Variants in TNKS observed in about 807,000 individuals in gnomAD.
The protein encoded by TNKS is poly [ADP-ribose] polymerase tankyrase-1.
Under a neutral mutation model 135.8 loss-of-function variants are expected in TNKS, and 72 were observed. The ratio of observed to expected loss-of-function variants is 0.53; its 90% CI spans 0.44 to 0.64. TNKS has a LOEUF of 0.64. Among genes scored for constraint, TNKS ranks in the 30% least tolerant of loss-of-function variants. The probability of loss-of-function intolerance (pLI) is 0.00; values close to 1 mark genes in which losing one functional copy is unlikely to be tolerated. For missense variants in TNKS, 1,769 were observed against 1,674.0 expected (o/e 1.06, Z -0.99); for synonymous variants, 849 against 649.3 (o/e 1.31, Z -4.68).
In TNKS at chr8:9,735,420, T is replaced by C; in HGVS notation, c.2577T>C (p.His859=). 1 of 1,614,136 alleles carries C rather than the reference T, an allele frequency of 6.2e-7. No homozygotes were observed. Residue 859 remains histidine (H), a synonymous_variant, in exon 17 of 27, where the codon CAT becomes CAC. Transcript: ENST00000310430. ...AAGTAGCTGAATATCTTCTAGAGCA[T>C]GGAGCTGATGTTAATGCCCAGGACA... ...NLEVAEYLLE[H]GADVNAQDKG...
chr8:9,599,038 T>C (rs891263009), intron 2 of TNKS, among the ~76,000 whole-genome samples: 1 of 151,836 alleles, frequency 6.6e-6, no homozygotes, highest in Non-Finnish European at 1.5e-5. Flanking sequence ...GTGCAAGCTT[T>C]ATGATCCTAT....
chr8:9,589,956 T>C (rs930554592), intron 2 of TNKS, among the ~76,000 whole-genome samples: 18 of 152,260 alleles, frequency 1.2e-4, no homozygotes, highest in Non-Finnish European at 1.5e-5. Flanking sequence ...TTCATGTGCA[T>C]GCTCCATTCA....
rs747761251 is a variant in TNKS at position 9,726,681 on chromosome 8, C to T, written c.1962C>T (p.Leu654=). 1 of 1,613,528 alleles carries T rather than the reference C, an allele frequency of 6.2e-7. No homozygotes were observed. Among genetic ancestry groups the T allele is most frequent in the Non-Finnish European group, 8.5e-7 (1 of 1,179,842 alleles). Residue 654 remains leucine, a synonymous_variant, in exon 13 of 27, where the codon CTC becomes CTT. Transcript: ENST00000310430. ...GTACTTCTGATGTTGATTATCGACT[C>T]TTAGAGGCATCTAAAGCTGGAGACT... The part of the protein sequence containing the change: ...PIRTSDVDYR[L]LEASKAGDLE...
intron 3 of TNKS, among the ~76,000 whole-genome samples, chr8:9,652,837 A>G (rs559698087): frequency 1.3e-5 from 2 of 152,318 alleles, no homozygotes; most frequent in Admixed American, 6.5e-5. Flanking sequence ...ACCACAGAAG[A>G]TAAATATTAT....
chr8:9,558,723 C>T (rs1012719221), intron 1 of TNKS: 3 of 152,036 alleles, frequency 2.0e-5, no homozygotes, highest in Middle Eastern at 3.2e-3. Flanking sequence ...CAAACAGTAC[C>T]GTAATTATGT....
intron 3 of TNKS, among the ~76,000 whole-genome samples, chr8:9,626,363 T>C (rs868342048): frequency 3.3e-5 from 5 of 152,244 alleles, no homozygotes; most frequent in African/African-American, 1.2e-4. Flanking sequence ...CAATTTGTTT[T>C]TGAATTGGTA....
In TNKS at chr8:9,702,965, G is replaced by A. The variant is rs190828182; in HGVS notation, c.1108-1698G>A. The stretch of plus-strand genomic sequence containing the variant: ...CGGGAGGCGGAGGTGGCAGTGAGCC[G>A]AGATCAAGCGACTGCACTCCAGCCT... On this transcript the variant is annotated intron_variant, in intron 5 of 26. Transcript: ENST00000310430. Among the ~76,000 whole-genome samples the A allele has an allele frequency of 6.6e-5, 10 of 152,218 alleles. No homozygotes were observed. In the East Asian group the frequency reaches 7.7e-4, roughly 12 times the overall value.
intron 3 of TNKS, among the ~76,000 whole-genome samples, chr8:9,617,759 T>C (rs1473560920): frequency 2.6e-5 from 4 of 152,206 alleles, no homozygotes; most frequent in Non-Finnish European, 5.9e-5. Context: ...CTGAGTAATA[T>C]GTCATTCTTT....
At chr8:9,721,871 G>A (rs952049029) in intron 12 of TNKS, among the ~76,000 whole-genome samples, 8 of 151,948 alleles carry the variant, frequency 5.3e-5, no homozygotes, top group Admixed American at 6.6e-5. Flanking sequence ...GGCCAACATG[G>A]TGAAACCCCC....
At chr8:9,726,503 T>G (rs1000362571) in intron 12 of TNKS, 138 bp from the exon 13 acceptor site, 10 of 595,470 alleles carry the variant, frequency 1.7e-5, no homozygotes, top group Non-Finnish European at 2.9e-5. Flanking sequence ...CTACAACATT[T>G]AGTAAAACCA....
rs548082654 is a variant in TNKS at position 9,608,433 on chromosome 8, A to ATT, written c.899-7139_899-7138dup. ...GTGCGTCAGGTGTGTTAACAAGGCG[A>ATT]TTTTTTTTTTTAGGTTCTCTTTACT... On this transcript the variant is annotated intron_variant, in intron 2 of 26. Transcript: ENST00000310430. Among the ~76,000 whole-genome samples the ATT allele has an allele frequency of 2.7e-5, 4 of 147,686 alleles. No individual in the cohort carries two copies. In the East Asian group the frequency reaches 7.9e-4, roughly 29 times the overall value.
At chr8:9,686,155 C>G (rs934471171) in intron 5 of TNKS, among the ~76,000 whole-genome samples, 3 of 152,160 alleles carry the variant, frequency 2.0e-5, no homozygotes, top group Non-Finnish European at 4.4e-5. Flanking sequence ...AGGACACGCC[C>G]CTGAGTTGGC....
chr8:9,748,228 AGATACT>A lies in TNKS; in HGVS notation c.2832+20_2832+25del, dbSNP rs1474025495. ...TCTGGCAACAGTAAGTCCTCATTTC[AGATACT>A]GATTATTGTTCCTTCTACTTTCACA... On this transcript the variant is annotated intron_variant, in intron 18 of 26. Transcript: ENST00000310430. 6.7e-7 allele frequency: 1 copy of A among 1,489,164 alleles called. No individual in the cohort carries two copies. Among genetic ancestry groups the A allele is most frequent in the African/African-American group, 1.4e-5 (1 of 70,196 alleles). The allele number at this position is 1,489,164 out of a possible 1,614,324, so 92.2% of individuals were successfully genotyped here.
intron 13 of TNKS, 107 bp from the exon 14 acceptor site, chr8:9,730,783 G>C: frequency 8.0e-7 from 1 of 1,255,986 alleles, no homozygotes; most frequent in Non-Finnish European, 1.1e-6. Context: ...ATATTCATTA[G>C]ACAATTATAA....
chr8:9,765,660 C>A lies in TNKS; in HGVS notation c.3448-32C>A, dbSNP rs34982116. The A allele has an allele frequency of 0.1, 158,952 of 1,546,810 alleles. 8,546 individuals are homozygous for A. The highest frequency in any genetic ancestry group is 0.16 in the East Asian group (7,015 of 44,438). On this transcript the variant is annotated intron_variant, in intron 23 of 26. Transcript: ENST00000310430. ...TTTAAATCATAAATGCACGTTTCAC[C>A]GATAATGTTTCTTTCTTCTTCATCC...
chr8:9,556,503 G>T lies in TNKS; in HGVS notation c.564G>T (p.Glu188Asp). 1 of 1,614,194 alleles carries T rather than the reference G, an allele frequency of 6.2e-7. No homozygotes were observed. The change falls in exon 1 of 27, where the codon GAG becomes GAT. Residue 188 changes from glutamate to aspartate, a missense_variant. Glu to Asp is a conservative substitution (Grantham distance 45). This residue lies in a region of TNKS where 450 missense variants were observed against 304.9 expected (regional missense o/e 1.48). Coordinates refer to ENST00000310430, the MANE Select transcript of TNKS (RefSeq NM_003747.3). Reference sequence around the variant, plus strand: ...GCGGGGCCCTACGGGAACTGCTGGAGGCCTGTCGCAATGGGGACGTGTCCC... The same window carrying T: ...GCGGGGCCCTACGGGAACTGCTGGATGCCTGTCGCAATGGGGACGTGTCCC... Reference protein sequence around the residue: ...AVSGALRELLEACRNGDVSRV... With the variant: ...AVSGALRELLDACRNGDVSRV...
At chr8:9,619,788 CTTT>C (rs371608502) in intron 3 of TNKS, among the ~76,000 whole-genome samples, 5 of 130,822 alleles carry the variant, frequency 3.8e-5, no homozygotes, top group Admixed American at 7.7e-5. Context: ...AAATCCTTTG[CTTT>C]TTTTTTTTTT....
chr8:9,745,972 A>G (rs1279408138), intron 17 of TNKS, among the ~76,000 whole-genome samples: 2 of 152,194 alleles, frequency 1.3e-5, no homozygotes, highest in African/African-American at 4.8e-5. Flanking sequence ...AGAAAGTGAC[A>G]TGCATTAAGT....
chr8:9,586,053 C>G (rs74437395), intron 2 of TNKS, among the ~76,000 whole-genome samples: 10,330 of 152,034 alleles, frequency 0.068, 390 homozygotes, highest in South Asian at 0.16. Context: ...TGTACAATAG[C>G]TGTATATTTT....
Sources: gnomAD v4.1 joint callset for allele counts (sites outside exome capture counted in the v4.1 genomes callset) on GRCh38, gnomAD v4.1.1 for gene constraint, gnomAD v4.1.1 regional missense constraint, MANE v1.5 for transcripts, NCBI Gene and HGNC (gene_info 2026-07-23, HGNC 2026-07-21) for gene names.